STPG1: variants seen among roughly 807,000 people sequenced by gnomAD.
The protein encoded by STPG1 is O(6)-methylguanine-induced apoptosis 2.
STPG1 carries 33 observed loss-of-function variants against 40.1 expected under a neutral mutation model. That is an observed-to-expected ratio of 0.82 (90% CI 0.62 to 1.10). The LOEUF (loss-of-function observed/expected upper bound fraction) is 1.10, where lower values mean the gene tolerates loss of function less well. Ranked by LOEUF, STPG1 falls within the 50% of genes least tolerant of loss-of-function variation. STPG1 has a pLI of 0.00. For synonymous variants in STPG1, 150 were observed against 155.0 expected, an observed-to-expected ratio of 0.97 and a Z score of 0.24; for missense variants, 396 against 415.1, an observed-to-expected ratio of 0.95 and a Z score of 0.40.
At chr1:24,371,582 C>G (rs966152593) in intron 6 of STPG1, among the ~76,000 whole-genome samples, 2 of 140,958 alleles carry the variant, frequency 1.4e-5, no homozygotes, top group African/African-American at 5.2e-5. Context: ...CAGAGCGAGA[C>G]TCCCTCTCAA....
At chr1:24,360,804 G>T in intron 8 of STPG1, 47 bp downstream of exon 8, 3 of 1,518,762 alleles carry the variant, frequency 2.0e-6, no homozygotes, top group Non-Finnish European at 2.7e-6. Context: ...ATGACAAACA[G>T]TTCCAGAAGA....
chr1:24,392,039 C>T lies in STPG1; in HGVS notation c.71-360G>A, dbSNP rs545307517. ...CAGCCTGGACGAGGCGCGGTCAGGACAGAGGAAGCGTCCTCACTGCTCCTT... is the reference window on the plus strand; with the variant it reads ...CAGCCTGGACGAGGCGCGGTCAGGATAGAGGAAGCGTCCTCACTGCTCCTT... On this transcript the variant is annotated intron_variant, in intron 2 of 8. Coordinates refer to ENST00000337248, the MANE Select transcript of STPG1 (RefSeq NM_001199013.2). The T allele has an allele frequency of 3.8e-4, 385 of 1,023,388 alleles. 1 individual carries two copies. The highest frequency in any genetic ancestry group is 1.5e-3 in the Middle Eastern group (3 of 2,028). The allele number at this position is 1,023,388 out of a possible 1,614,324, so 63.4% of individuals were successfully genotyped here.
chr1:24,407,911 C>A (rs1483571583), intron 1 of STPG1, among the ~76,000 whole-genome samples: 1 of 152,182 alleles, frequency 6.6e-6, no homozygotes, highest in East Asian at 1.9e-4. Context: ...TTGTAAGATT[C>A]ATAGTAGCTG....
intron 2 of STPG1, among the ~76,000 whole-genome samples, chr1:24,394,112 G>A (rs1642895116): frequency 6.6e-6 from 1 of 152,222 alleles, no homozygotes; most frequent in Non-Finnish European, 1.5e-5. Context: ...ACCCAGGGCT[G>A]GAGAAGGAAC....
At chr1:24,362,022 A>G (rs1641153773) in intron 7 of STPG1, among the ~76,000 whole-genome samples, 1 of 152,152 alleles carries the variant, frequency 6.6e-6, no homozygotes, top group African/African-American at 2.4e-5. Flanking sequence ...CTCACACCCA[A>G]GGCTTCTTCT....
intron 3 of STPG1, among the ~76,000 whole-genome samples, chr1:24,388,929 CTGGT>C (rs954110675): frequency 4.6e-5 from 7 of 152,250 alleles, no homozygotes; most frequent in Admixed American, 2.6e-4. Flanking sequence ...AGTCAAGTGA[CTGGT>C]TTAAAGGCAC....
chr1:24,366,441 C>T (rs1641471309), intron 7 of STPG1, among the ~76,000 whole-genome samples: 1 of 152,234 alleles, frequency 6.6e-6, no homozygotes, highest in South Asian at 2.1e-4. Context: ...ATTTCCTCAA[C>T]ACTCTGATAT....
intron 4 of STPG1, among the ~76,000 whole-genome samples, chr1:24,382,768 A>C (rs1642343760): frequency 6.6e-6 from 1 of 151,962 alleles, no homozygotes; most frequent in Admixed American, 6.6e-5. Context: ...TGTGTCTTAA[A>C]TGGTCCCTTT....
At chr1:24,369,596 A>AC in intron 7 of STPG1, 78 bp downstream of exon 7, 1 of 1,473,432 alleles carries the variant, frequency 6.8e-7, no homozygotes, top group Non-Finnish European at 9.2e-7. Context: ...AAGCAGTGAC[A>AC]CCCCATCCTT....
chr1:24,380,273 C>G (rs1008380207), intron 4 of STPG1, among the ~76,000 whole-genome samples: 1 of 152,204 alleles, frequency 6.6e-6, no homozygotes, highest in Admixed American at 6.5e-5. Context: ...TCAAACAAAG[C>G]TCCAGGGGGC....
intron 8 of STPG1, among the ~76,000 whole-genome samples, chr1:24,358,998 T>C (rs548114844): frequency 2.0e-5 from 3 of 152,312 alleles, no homozygotes; most frequent in African/African-American, 7.2e-5. Flanking sequence ...GCCATGACAA[T>C]TGCGGACATG....
chr1:24,409,117 C>G (rs1643517943), intron 1 of STPG1, among the ~76,000 whole-genome samples: 1 of 152,152 alleles, frequency 6.6e-6, no homozygotes, highest in African/African-American at 2.4e-5. Flanking sequence ...CCTGTAATCC[C>G]AGCACTTTGG....
chr1:24,401,243 TC>T, intron 2 of STPG1, 75 bp downstream of exon 2: 1 of 1,316,034 alleles, frequency 7.6e-7, no homozygotes, highest in African/African-American at 1.5e-5. Flanking sequence ...GACTTACTAT[TC>T]CCCCCAAATT....
At chr1:24,409,611 G>A (rs1249246177) in intron 1 of STPG1, among the ~76,000 whole-genome samples, 1 of 152,196 alleles carries the variant, frequency 6.6e-6, no homozygotes, top group African/African-American at 2.4e-5. Context: ...GAAAATTCCA[G>A]AAATAAATAA....
rs557034626 is a variant in STPG1 at position 24,378,895 on chromosome 1, C to A, written c.462+758G>T. Among the ~76,000 whole-genome samples, 25 of 152,334 alleles carry A rather than the reference C, an allele frequency of 1.6e-4. No homozygotes were observed. The East Asian group carries it at 4.6e-3, about 28-fold the overall frequency. On this transcript the variant is annotated intron_variant, in intron 5 of 8. Transcript: ENST00000337248. Reference sequence around the variant, plus strand: ...TACAGTGGGGGCTGTGACTTACTTACTTGCTTGTATTTAAGGGTAAGTAAA... The same window carrying A: ...TACAGTGGGGGCTGTGACTTACTTAATTGCTTGTATTTAAGGGTAAGTAAA...
intron 7 of STPG1, among the ~76,000 whole-genome samples, chr1:24,363,181 C>T (rs1042077132): frequency 1.3e-5 from 2 of 152,206 alleles, no homozygotes; most frequent in African/African-American, 2.4e-5. Flanking sequence ...CCAAGGACAG[C>T]CTGCAGAAGG....
chr1:24,385,739 T>C (rs536018956), intron 3 of STPG1, among the ~76,000 whole-genome samples: 2 of 152,200 alleles, frequency 1.3e-5, no homozygotes, highest in Non-Finnish European at 2.9e-5. Context: ...TGAGATTACA[T>C]AGGATTAAAA....
At chr1:24,371,220 AC>A (rs1289069320) in intron 6 of STPG1, among the ~76,000 whole-genome samples, 1 of 152,188 alleles carries the variant, frequency 6.6e-6, no homozygotes, top group Non-Finnish European at 1.5e-5. Context: ...AATTTATGGT[AC>A]TATCATATAA....
intron 7 of STPG1, chr1:24,369,389 C>T (rs753751565): frequency 3.8e-5 from 21 of 559,034 alleles, no homozygotes; most frequent in African/African-American, 2.1e-4. Flanking sequence ...CCGCCAAATC[C>T]GAAGCCTTGC....
Sources: gnomAD v4.1 joint callset for allele counts (sites outside exome capture counted in the v4.1 genomes callset) on GRCh38, gnomAD v4.1.1 for gene constraint, MANE v1.5 for transcripts, NCBI Gene and HGNC (gene_info 2026-07-23, HGNC 2026-07-21) for gene names.